The following SPINK5 variants were observed in gnomAD, a reference collection of about 807,000 sequenced individuals.
SPINK5 encodes serine peptidase inhibitor Kazal type 5, also known as serine protease inhibitor Kazal-type 5.
In SPINK5, 125 loss-of-function variants were observed where a neutral mutation model predicts 151.8. The observed-to-expected ratio is 0.82, with a 90% CI of 0.71 to 0.96. The LOEUF is 0.96. Among genes scored for constraint, SPINK5 ranks in the 40% least tolerant of loss-of-function variants. SPINK5 has a pLI of 0.00. For synonymous variants in SPINK5, 374 were observed against 395.3 expected, an observed-to-expected ratio of 0.95 and a Z score of 0.64; for missense variants, 1,194 against 1,291.9, an observed-to-expected ratio of 0.92 and a Z score of 1.16.
intron 30 of SPINK5, among the ~76,000 whole-genome samples, chr5:148,129,889 GTTAT>G (rs1754530679): frequency 6.6e-6 from 1 of 152,070 alleles, no homozygotes; most frequent in Admixed American, 6.5e-5. Context: ...TTGGCATGTA[GTTAT>G]TTATAACATT....
At chr5:148,088,999 A>AT (rs909050640) in intron 6 of SPINK5, 51 of 463,252 alleles carry the variant, frequency 1.1e-4, no homozygotes, top group Non-Finnish European at 1.8e-4. Context: ...AACTAAATAG[A>AT]TTTTTTTTCT....
At chr5:148,101,694 TAA>T in intron 14 of SPINK5, 85 bp from the exon 15 acceptor site, 2 of 1,597,518 alleles carry the variant, frequency 1.3e-6, no homozygotes, top group Non-Finnish European at 1.7e-6. Flanking sequence ...AATCCTCGTT[TAA>T]GAAAAAAAGT....
At chr5:148,136,237 T>C (rs1403827056) in intron 32 of SPINK5, among the ~76,000 whole-genome samples, 3 of 152,118 alleles carry the variant, frequency 2.0e-5, no homozygotes, top group Admixed American at 6.6e-5. Context: ...AATACAAATA[T>C]TATTTTGTGA....
intron 20 of SPINK5, among the ~76,000 whole-genome samples, chr5:148,113,854 ACTCTC>A (rs1415599962): frequency 1.3e-5 from 2 of 148,552 alleles, no homozygotes; most frequent in Admixed American, 1.3e-4. Context: ...CTACAGACAA[ACTCTC>A]CTCTCATTAT....
At position 148,100,454 on chromosome 5, in the gene SPINK5, G is replaced by C. The variant is rs2113116400; in HGVS notation, c.1093G>C (p.Glu365Gln). The C allele has an allele frequency of 6.2e-7, 1 of 1,611,470 alleles. No homozygotes were observed. Among genetic ancestry groups the C allele is most frequent in the Non-Finnish European group, 8.5e-7 (1 of 1,177,968 alleles). The change falls in exon 13 of 33, where the codon GAG becomes CAG. Residue 365 changes from glutamate to glutamine, a missense_variant and splice_region_variant. Glu to Gln is a conservative substitution (Grantham distance 29, BLOSUM62 2). Transcript: ENST00000256084. ...RESGKATSYA[E>Q]LCSEYRKLVR... ...CAACTTACTTCTTCTATCTCGGCAG[G>C]AGCTTTGCAGTGAATATCGAAAGCT...
At chr5:148,109,621 G>A (rs929330674) in intron 18 of SPINK5, among the ~76,000 whole-genome samples, 1 of 151,892 alleles carries the variant, frequency 6.6e-6, no homozygotes, top group African/African-American at 2.4e-5. Context: ...GGCCCATGAT[G>A]CACTTTAGAT....
At chr5:148,120,946 C>T (rs1365581290) in intron 26 of SPINK5, among the ~76,000 whole-genome samples, 1 of 151,600 alleles carries the variant, frequency 6.6e-6, no homozygotes, top group Non-Finnish European at 1.5e-5. Flanking sequence ...AAATCGAGAC[C>T]ATCCTGGCTA....
At chr5:148,121,003 G>A (rs1754243469) in intron 26 of SPINK5, among the ~76,000 whole-genome samples, 1 of 151,606 alleles carries the variant, frequency 6.6e-6, no homozygotes, top group African/African-American at 2.4e-5. Context: ...AAATTAGCCG[G>A]GCACGATGGC....
chr5:148,069,381 G>A (rs576036149), intron 2 of SPINK5, among the ~76,000 whole-genome samples: 1 of 151,462 alleles, frequency 6.6e-6, no homozygotes, highest in South Asian at 2.1e-4. Flanking sequence ...TTTGTATAAC[G>A]GAGTTATTGG....
rs1183893864 is a variant in SPINK5, at chr5:148,072,346, AC to A, written c.282+127del. 6 of 979,742 alleles carry A rather than the reference AC, an allele frequency of 6.1e-6. No homozygotes were observed. The East Asian group carries it at 1.6e-4, about 26-fold the overall frequency. The allele number at this position is 979,742 out of a possible 1,614,324, so 60.7% of individuals were successfully genotyped here. On this transcript the variant is annotated intron_variant, in intron 4 of 32. Transcript: ENST00000256084. Reference sequence around the variant, plus strand: ...AAGCCAACAACTTAGGAGGGAGGGAACATGGGTTAGTCCAGGGGTGGGCTAA... The same window carrying A: ...AAGCCAACAACTTAGGAGGGAGGGAAATGGGTTAGTCCAGGGGTGGGCTAA...
rs1754207814 is a variant in SPINK5, at chr5:148,120,003, T to A, written c.2314-6T>A. On this transcript the variant is annotated splice_region_variant and splice_polypyrimidine_tract_variant and intron_variant, in intron 24 of 32. Coordinates refer to ENST00000256084, the MANE Select transcript of SPINK5 (RefSeq NM_006846.4). Reference sequence around the variant, plus strand: ...CACTTCCAATATAATCTTCCCATCTTTTCAGGATACATGTGATGAGTTTAG... The same window carrying A: ...CACTTCCAATATAATCTTCCCATCTATTCAGGATACATGTGATGAGTTTAG... 1 of 1,613,676 alleles carries A rather than the reference T, an allele frequency of 6.2e-7. No homozygotes were observed. The highest frequency in any genetic ancestry group is 1.3e-5 in the African/African-American group (1 of 74,936).
chr5:148,118,382 T>A, intron 22 of SPINK5, 55 bp from the exon 23 acceptor site: 1 of 1,611,962 alleles, frequency 6.2e-7, no homozygotes, highest in Non-Finnish European at 8.5e-7. Context: ...AACAATTTAC[T>A]AAGAATACAG....
At chr5:148,077,488 C>T (rs1446216223) in intron 4 of SPINK5, among the ~76,000 whole-genome samples, 1 of 150,776 alleles carries the variant, frequency 6.6e-6, no homozygotes, top group Non-Finnish European at 1.5e-5. Context: ...GGTCATTTAG[C>T]TGAAAGGAAA....
intron 2 of SPINK5, among the ~76,000 whole-genome samples, chr5:148,068,778 CT>C (rs2127187466): frequency 6.6e-6 from 1 of 152,062 alleles, no homozygotes; most frequent in East Asian, 1.9e-4. Flanking sequence ...CAAAAATCCC[CT>C]TAGATTCCAA....
In SPINK5 at chr5:148,116,540, T is replaced by C. The variant is rs568729932; in HGVS notation, c.2112+74T>C. On this transcript the variant is annotated intron_variant, in intron 22 of 32. Coordinates refer to ENST00000256084, the MANE Select transcript of SPINK5 (RefSeq NM_006846.4). Reference sequence around the variant, plus strand: ...ACAATAGGACTGTGAATAGCGTATATAGTCTATGGTAAAGGCAGTGCTAAG... The same window carrying C: ...ACAATAGGACTGTGAATAGCGTATACAGTCTATGGTAAAGGCAGTGCTAAG... 3.7e-5 allele frequency: 52 copies of C among 1,414,896 alleles called. No individual in the cohort carries two copies. In the African/African-American group the frequency reaches 5.9e-4, roughly 16 times the overall value. 87.6% of individuals were successfully genotyped at this position (1,414,896 alleles called of 1,614,324 possible).
At chr5:148,068,554 C>CAAAAA (rs1166912306) in intron 2 of SPINK5, among the ~76,000 whole-genome samples, 19 of 89,212 alleles carry the variant, frequency 2.1e-4, no homozygotes, top group Non-Finnish European at 3.7e-4. Context: ...CCTGCCTCTC[C>CAAAAA]AAAAAAAAAA....
At chr5:148,115,412 G>T (rs994398402) in intron 21 of SPINK5, among the ~76,000 whole-genome samples, 1 of 152,138 alleles carries the variant, frequency 6.6e-6, no homozygotes, top group African/African-American at 2.4e-5. Context: ...TGTTCCTTTA[G>T]GAAGATTCAT....
chr5:148,080,460 A>G (rs1752990621), intron 4 of SPINK5, among the ~76,000 whole-genome samples: 1 of 151,368 alleles, frequency 6.6e-6, no homozygotes, highest in Non-Finnish European at 1.5e-5. Flanking sequence ...TTATAATGCA[A>G]TAGTGATCAT....
intron 24 of SPINK5, among the ~76,000 whole-genome samples, chr5:148,119,592 C>T (rs1187556312): frequency 6.6e-6 from 1 of 152,192 alleles, no homozygotes; most frequent in Non-Finnish European, 1.5e-5. Flanking sequence ...CTAGAAGCTA[C>T]CTGTATTCCT....
Sources: allele counts gnomAD v4.1 joint callset (sites outside exome capture counted in the v4.1 genomes callset), GRCh38; gene constraint gnomAD v4.1.1; transcripts MANE v1.5; gene names NCBI Gene and HGNC (gene_info 2026-07-23, HGNC 2026-07-21).